OR6C3: variants seen among roughly 807,000 people sequenced by gnomAD.
OR6C3 encodes the protein olfactory receptor family 6 subfamily C member 3, also known as olfactory receptor 6C3.
For missense variants in OR6C3, 487 were observed against 364.6 expected, an observed-to-expected ratio of 1.34 and a Z score of -2.73; for synonymous variants, 177 against 137.4, an observed-to-expected ratio of 1.29 and a Z score of -2.02.
At chr12:55,330,494 T>C (rs988843600), upstream of OR6C3, 1 of 152,152 alleles carries the variant, frequency 6.6e-6, no homozygotes, top group Non-Finnish European at 1.5e-5. Flanking sequence ...CTATCCATCA[T>C]AGCAGAAATT....
In OR6C3 at chr12:55,331,845, G is replaced by A. The variant is rs775092331; in HGVS notation, c.145G>A (p.Asp49Asn). Residue 49 changes from aspartate to asparagine, a missense_variant, in exon 2 of 2, where the codon GAC (aspartate) becomes AAC (asparagine). Physicochemically the swap from Asp to Asn is conservative, Grantham distance 23. Coordinates refer to ENST00000641740, the MANE Select transcript of OR6C3 (RefSeq NM_001388498.1). ...GACTATCATCACCCTAACCTTTGTG[G>A]ACTCCCATCTGCAGACACCTATGTA... The part of the protein sequence containing the change: ...NLTIITLTFV[D>N]SHLQTPMYFF... 3 of 1,613,816 alleles carry A rather than the reference G, an allele frequency of 1.9e-6. No homozygotes were observed. The highest frequency in any genetic ancestry group is 1.3e-5 in the African/African-American group (1 of 74,862).
At position 55,332,102 on chromosome 12, in the gene OR6C3, C is replaced by T. The variant is rs774432979; in HGVS notation, c.402C>T (p.Asn134=). ...CCCTTCATTACACATCCATCATGAA[C>T]AGGAAACTCTGCACTCTACTTGTGC... is the stretch of plus-strand genomic sequence containing the variant. ...CKPLHYTSIM[N]RKLCTLLVLC... Residue 134 remains asparagine (N), a synonymous_variant, in exon 2 of 2, where the codon AAC becomes AAT. Coordinates refer to ENST00000641740, the MANE Select transcript of OR6C3 (RefSeq NM_001388498.1). 3.1e-6 allele frequency: 5 copies of T among 1,614,174 alleles called. No homozygotes were observed. Among genetic ancestry groups the T allele is most frequent in the Non-Finnish European group, 4.2e-6 (5 of 1,180,030 alleles).
In OR6C3 at chr12:55,332,184, C is replaced by T. The variant is rs777107203; in HGVS notation, c.484C>T (p.Gln162Ter). ...TTTCCCACCCCTTATGCTTCTCCTC[C>T]AGCTGGATTACTGTGCTTCCAACGT... ...TIFPPLMLLL[Q>*]LDYCASNVID... The change falls in exon 2 of 2, where the codon CAG (glutamine) becomes TAG (stop). Residue 162 changes from glutamine (Q) to a stop codon, truncating the protein, a stop_gained. Transcript: ENST00000641740. LOFTEE classifies it low-confidence loss of function (END_TRUNC). The T allele has an allele frequency of 1.9e-6, 3 of 1,613,956 alleles. No homozygotes were observed. Among genetic ancestry groups the T allele is most frequent in the Non-Finnish European group, 2.5e-6 (3 of 1,180,030 alleles).
At position 55,331,842 on chromosome 12, in the gene OR6C3, G is replaced by T; in HGVS notation, c.142G>T (p.Val48Leu). The change falls in exon 2 of 2, where the codon GTG (valine) becomes TTG (leucine). Residue 48 changes from valine (V) to leucine (L), a missense_variant. Transcript: ENST00000641740. Reference protein sequence around the residue: ...GNLTIITLTFVDSHLQTPMYF... With the variant: ...GNLTIITLTFLDSHLQTPMYF... ...CCTGACTATCATCACCCTAACCTTT[G>T]TGGACTCCCATCTGCAGACACCTAT... The T allele has an allele frequency of 6.2e-7, 1 of 1,613,926 alleles. No individual in the cohort carries two copies. The highest frequency in any genetic ancestry group is 8.5e-7 in the Non-Finnish European group (1 of 1,179,914).
At chr12:55,330,873 C>A (rs925933574) in intron 1 of OR6C3, 66 bp downstream of exon 1, 3 of 151,966 alleles carry the variant, frequency 2.0e-5, no homozygotes, top group Non-Finnish European at 4.4e-5. Context: ...ATCACATGTT[C>A]CCTTAAGCTC....
Position 55,332,510 on chromosome 12 carries a change from AAT to A in OR6C3, c.812_813del (p.Ile271SerfsTer?), listed in dbSNP as rs779207322. 8.1e-6 allele frequency: 13 copies of A among 1,613,600 alleles called. No homozygotes were observed. In the East Asian group the frequency reaches 2.7e-4, roughly 33 times the overall value. On this transcript the variant is annotated frameshift_variant, in exon 2 of 2. Coordinates refer to ENST00000641740, the MANE Select transcript of OR6C3 (RefSeq NM_001388498.1). LOFTEE classifies it low-confidence loss of function (END_TRUNC). ...AKEKASLTKG[I>X]AILNTSVAPM... is the part of the protein sequence containing the mutation. ...AAGAAAAGGCATCATTGACAAAAGG[AAT>A]AGCTATTCTCAATACATCTGTTGCC...
chr12:55,332,543 G>T lies in OR6C3; in HGVS notation c.843G>T (p.Met281Ile), dbSNP rs1402775166. Residue 281 changes from methionine (M) to isoleucine (I), a missense_variant, in exon 2 of 2, where the codon ATG becomes ATT. Transcript: ENST00000641740. The stretch of plus-strand genomic sequence containing the variant: ...TTCTCAATACATCTGTTGCCCCCAT[G>T]CTGAACCCCTTCATTTACACTCTGA... ...IAILNTSVAP[M>I]LNPFIYTLRN... The T allele has an allele frequency of 1.2e-6, 2 of 1,613,474 alleles. No homozygotes were observed. Among genetic ancestry groups the T allele is most frequent in the Non-Finnish European group, 1.7e-6 (2 of 1,179,976 alleles).
Position 55,332,293 on chromosome 12 carries a change from AC to A in OR6C3, c.594del (p.Phe199LeufsTer12), listed in dbSNP as rs1223908922. The A allele has an allele frequency of 1.9e-6, 3 of 1,613,920 alleles. No homozygotes were observed. In the Admixed American group the frequency reaches 5.0e-5, roughly 27 times the overall value. On this transcript the variant is annotated frameshift_variant, in exon 2 of 2. Coordinates refer to ENST00000641740, the MANE Select transcript of OR6C3 (RefSeq NM_001388498.1). LOFTEE classifies it low-confidence loss of function (END_TRUNC). ...TGGCTCCTAGAAGTAATTGGTTTTT[AC>A]TTTGCTTTGGTTACTTTGCTGTTCA... The part of the protein sequence containing the change: ...DTWLLEVIGF[Y>X]FALVTLLFTL...
At chr12:55,331,621 TC>T (rs1411441493) in intron 1 of OR6C3, 35 bp from the exon 2 acceptor site, 45 of 832,660 alleles carry the variant, frequency 5.4e-5, no homozygotes, top group South Asian at 2.2e-4. Flanking sequence ...TTATCTATTT[TC>T]CTTAATTATC....
chr12:55,331,333 T>C (rs1353431927), intron 1 of OR6C3, among the ~76,000 whole-genome samples: 2 of 152,092 alleles, frequency 1.3e-5, no homozygotes, highest in East Asian at 3.9e-4. Flanking sequence ...AAAATGTATG[T>C]TTCATGTGAT....
chr12:55,332,256 T>G lies in OR6C3; in HGVS notation c.556T>G (p.Cys186Gly), dbSNP rs368591612. 3.6e-5 allele frequency: 58 copies of G among 1,614,060 alleles called. No individual in the cohort carries two copies. Among genetic ancestry groups the G allele is most frequent in the Non-Finnish European group, 4.5e-5 (53 of 1,180,024 alleles). The change falls in exon 2 of 2, where the codon TGT (cysteine) becomes GGT (glycine). Residue 186 changes from cysteine (C) to glycine (G), a missense_variant. Cys to Gly is a radical substitution (Grantham distance 159, BLOSUM62 -3). Transcript: ENST00000641740. ...CTATTTTCCCCTCTTACAACTATCT[T>G]GTTCAGATACATGGCTCCTAGAAGT... Reference protein sequence around the residue: ...CDYFPLLQLSCSDTWLLEVIG... With the variant: ...CDYFPLLQLSGSDTWLLEVIG...
At position 55,332,599 on chromosome 12, in the gene OR6C3, A is replaced by G. The variant is rs186634062; in HGVS notation, c.899A>G (p.Asn300Ser). The G allele has an allele frequency of 1.6e-5, 25 of 1,605,208 alleles. No individual in the cohort carries two copies. In the Admixed American group the frequency reaches 2.4e-4, roughly 15 times the overall value. ...RNQQVKQAFK[N>S]VVHKVVFYAN... Reference sequence around the variant, plus strand: ...CAGCAAGTAAAACAAGCCTTCAAAAATGTGGTCCACAAAGTTGTGTTTTAT... The same window carrying G: ...CAGCAAGTAAAACAAGCCTTCAAAAGTGTGGTCCACAAAGTTGTGTTTTAT... The change falls in exon 2 of 2, where the codon AAT (asparagine) becomes AGT (serine). Residue 300 changes from asparagine (N) to serine (S), a missense_variant. Physicochemically the swap from Asn to Ser is conservative, Grantham distance 46. Coordinates refer to ENST00000641740, the MANE Select transcript of OR6C3 (RefSeq NM_001388498.1).
chr12:55,331,708 A>G lies in OR6C3; in HGVS notation c.8A>G (p.His3Arg), dbSNP rs1868854186. 6.2e-7 allele frequency: 1 copy of G among 1,609,522 alleles called. No individual in the cohort carries two copies. The highest frequency in any genetic ancestry group is 8.5e-7 in the Non-Finnish European group (1 of 1,176,702). Reference sequence around the variant, plus strand: ...AGAGAGAAAGGACGAGACATGAACCACACAATGGTCACAGAGTTTGTCCTC... The same window carrying G: ...AGAGAGAAAGGACGAGACATGAACCGCACAATGGTCACAGAGTTTGTCCTC... MN[H>R]TMVTEFVLLG... Residue 3 changes from histidine (H) to arginine (R), a missense_variant, in exon 2 of 2, where the codon CAC becomes CGC. Physicochemically the swap from His to Arg is conservative, Grantham distance 29. Transcript: ENST00000641740.
intron 1 of OR6C3, among the ~76,000 whole-genome samples, chr12:55,331,313 G>GA (rs5798346): frequency 0.28 from 42,436 of 151,244 alleles, 6,712 homozygotes; most frequent in East Asian, 0.5. Context: ...TATACATGAT[G>GA]AAAAAAAGAA....
rs1042675151 is a variant in OR6C3 at position 55,332,482 on chromosome 12, C to G, written c.782C>G (p.Ala261Gly). The G allele has an allele frequency of 6.8e-6, 11 of 1,613,776 alleles. No individual in the cohort carries two copies. Among genetic ancestry groups the G allele is most frequent in the Non-Finnish European group, 9.3e-6 (11 of 1,179,904 alleles). ...SCIFMYANPS[A>G]KEKASLTKGI... is the part of the protein sequence containing the mutation. Reference sequence around the variant, plus strand: ...ATATTCATGTATGCTAATCCATCTGCAAAAGAAAAGGCATCATTGACAAAA... The same window carrying G: ...ATATTCATGTATGCTAATCCATCTGGAAAAGAAAAGGCATCATTGACAAAA... Residue 261 changes from alanine (A) to glycine (G), a missense_variant, in exon 2 of 2, where the codon GCA (alanine) becomes GGA (glycine). Ala to Gly is a moderately conservative substitution (Grantham distance 60). Coordinates refer to ENST00000641740, the MANE Select transcript of OR6C3 (RefSeq NM_001388498.1).
Position 55,331,891 on chromosome 12 carries a change from C to T in OR6C3, c.191C>T (p.Ser64Phe), listed in dbSNP as rs777888142. The change falls in exon 2 of 2, where the codon TCT (serine) becomes TTT (phenylalanine). Residue 64 changes from serine to phenylalanine, a missense_variant. Transcript: ENST00000641740. Reference sequence around the variant, plus strand: ...ATGTATTTCTTCCTCCGGAACTTCTCTTTCTTAGAAATCTCATTTACAACC... The same window carrying T: ...ATGTATTTCTTCCTCCGGAACTTCTTTTTCTTAGAAATCTCATTTACAACC... ...TPMYFFLRNFSFLEISFTTVC... is the reference protein window; with the variant it reads ...TPMYFFLRNFFFLEISFTTVC... 7 of 1,614,034 alleles carry T rather than the reference C, an allele frequency of 4.3e-6. No individual in the cohort carries two copies. The Admixed American group carries it at 1.2e-4, about 27-fold the overall frequency.
chr12:55,332,124 GT>G lies in OR6C3; in HGVS notation c.425del (p.Val142GlyfsTer6). On this transcript the variant is annotated frameshift_variant, in exon 2 of 2. Transcript: ENST00000641740. LOFTEE classifies it low-confidence loss of function (END_TRUNC). ...GAACAGGAAACTCTGCACTCTACTTGTGCTGTGTGCCTGGCTAAGTGGGTTT... is the reference window on the plus strand; with the variant it reads ...GAACAGGAAACTCTGCACTCTACTTGGCTGTGTGCCTGGCTAAGTGGGTTT... ...IMNRKLCTLL[V>X]LCAWLSGFLT... is the part of the protein sequence containing the mutation. 1 of 1,614,054 alleles carries G rather than the reference GT, an allele frequency of 6.2e-7. No homozygotes were observed. The highest frequency in any genetic ancestry group is 8.5e-7 in the Non-Finnish European group (1 of 1,180,018).
upstream of OR6C3, chr12:55,330,305 T>C (rs1438616545): frequency 6.6e-6 from 1 of 152,194 alleles, no homozygotes; most frequent in African/African-American, 2.4e-5. Context: ...GAACTTCTAG[T>C]TCAACATTAT....
In OR6C3 at chr12:55,331,713, A is replaced by T; in HGVS notation, c.13A>T (p.Met5Leu). 6.2e-7 allele frequency: 1 copy of T among 1,610,804 alleles called. No individual in the cohort carries two copies. Among genetic ancestry groups the T allele is most frequent in the South Asian group, 1.1e-5 (1 of 90,824 alleles). Reference protein sequence around the residue: MNHTMVTEFVLLGLS... With the variant: MNHTLVTEFVLLGLS... ...GAAAGGACGAGACATGAACCACACA[A>T]TGGTCACAGAGTTTGTCCTCCTGGG... Residue 5 changes from methionine (M) to leucine (L), a missense_variant, in exon 2 of 2, where the codon ATG (methionine) becomes TTG (leucine). Coordinates refer to ENST00000641740, the MANE Select transcript of OR6C3 (RefSeq NM_001388498.1).
Sources: allele counts gnomAD v4.1 joint callset (sites outside exome capture counted in the v4.1 genomes callset), GRCh38; gene constraint gnomAD v4.1.1; transcripts MANE v1.5; gene names NCBI Gene and HGNC (gene_info 2026-07-23, HGNC 2026-07-21).